VAV2: variants seen among roughly 807,000 people sequenced by gnomAD.
VAV2 encodes vav guanine nucleotide exchange factor 2.
A neutral mutation model predicts 132.5 loss-of-function variants in VAV2; 67 were observed. The observed-to-expected ratio is 0.51, with a 90% CI of 0.42 to 0.62. VAV2 has a LOEUF of 0.62. VAV2 is among the 20% of genes least tolerant of loss of function. The probability of loss-of-function intolerance (pLI) is 0.00; values close to 1 mark genes in which losing one functional copy is unlikely to be tolerated. For synonymous variants in VAV2, 492 were observed against 443.5 expected (o/e 1.11, Z -1.37); for missense variants, 938 against 1,153.6 (o/e 0.81, Z 2.71).
At chr9:133,851,177 GACA>G (rs1056299519) in intron 3 of VAV2, among the ~76,000 whole-genome samples, 1 of 152,232 alleles carries the variant, frequency 6.6e-6, no homozygotes, top group Non-Finnish European at 1.5e-5. Context: ...GCACTCAGGA[GACA>G]ACTTTGCAGC....
At chr9:133,982,993 C>T (rs1033014333) in intron 1 of VAV2, among the ~76,000 whole-genome samples, 4 of 152,284 alleles carry the variant, frequency 2.6e-5, no homozygotes, top group African/African-American at 9.6e-5. Context: ...TCCAGGCCTG[C>T]GCTGGAACAT....
intron 2 of VAV2, among the ~76,000 whole-genome samples, chr9:133,891,326 G>A (rs1467989431): frequency 1.3e-5 from 1 of 77,548 alleles, no homozygotes; most frequent in Non-Finnish European, 2.6e-5. Context: ...GGAGACAGAG[G>A]GGAGGAATAG....
rs1247158926 is a variant in VAV2 at position 133,833,592 on chromosome 9, C to T, written c.449+680G>A. 6.6e-6 allele frequency among the ~76,000 whole-genome samples: 1 copy of T among 152,150 alleles called. No individual in the cohort carries two copies. On this transcript the variant is annotated intron_variant, in intron 4 of 29. Transcript: ENST00000371850. This position sits in a 1 kb window ranked among gnomAD's most constrained non-coding sequence, Gnocchi z 5.6. ...GGTCTCAGCCCAGGTCCCTCACCTGCAGGTGAGGCCCCTTCCTCCTACCCT... is the reference window on the plus strand; with the variant it reads ...GGTCTCAGCCCAGGTCCCTCACCTGTAGGTGAGGCCCCTTCCTCCTACCCT...
intron 4 of VAV2, among the ~76,000 whole-genome samples, chr9:133,825,559 G>A (rs566089025): frequency 1.1e-4 from 17 of 152,260 alleles, no homozygotes; most frequent in African/African-American, 2.9e-4. Flanking sequence ...AGCTCAACTC[G>A]GGCTCCACAC....
rs1281964515 is a variant in VAV2, at chr9:133,898,189, G to A, written c.322-36757C>T. ...AAGCACAGAGAAGGAAACTGAGGCC[G>A]GGCGGGCACAGGTTGATCTAGTGTC... On this transcript the variant is annotated intron_variant, in intron 2 of 29. Coordinates refer to ENST00000371850, the MANE Select transcript of VAV2 (RefSeq NM_001134398.2). 9.2e-5 allele frequency among the ~76,000 whole-genome samples: 14 copies of A among 152,248 alleles called. No homozygotes were observed. The South Asian group carries it at 1.0e-3, about 11-fold the overall frequency.
At chr9:133,901,187 T>G (rs1839427023) in intron 2 of VAV2, among the ~76,000 whole-genome samples, 2 of 152,218 alleles carry the variant, frequency 1.3e-5, no homozygotes, top group African/African-American at 4.8e-5. Flanking sequence ...CATGGCCCAG[T>G]TTTAGGAACA....
At position 133,807,844 on chromosome 9, in the gene VAV2, G is replaced by T. The variant is rs992275766; in HGVS notation, c.667-518C>A. On this transcript the variant is annotated intron_variant, in intron 7 of 29. Coordinates refer to ENST00000371850, the MANE Select transcript of VAV2 (RefSeq NM_001134398.2). ...CGAGAGTCCTCCAGCTCCAGCCTCA[G>T]GCGGGATGTGAAGTGAACATGAGGA... Among the ~76,000 whole-genome samples, 12 of 152,366 alleles carry T rather than the reference G, an allele frequency of 7.9e-5. No homozygotes were observed. In the East Asian group the frequency reaches 2.3e-3, roughly 29 times the overall value.
intron 2 of VAV2, among the ~76,000 whole-genome samples, chr9:133,917,076 A>G (rs1840117950): frequency 6.6e-6 from 1 of 152,050 alleles, no homozygotes. Context: ...CTCTTTCTCT[A>G]CTGCAAATCT....
chr9:133,977,643 G>C (rs1283139636), intron 1 of VAV2, among the ~76,000 whole-genome samples: 4 of 152,226 alleles, frequency 2.6e-5, no homozygotes, highest in African/African-American at 4.8e-5. Context: ...TGGCACCTCT[G>C]GTTCCTGACA....
chr9:133,932,728 G>C (rs375465521), intron 2 of VAV2, among the ~76,000 whole-genome samples: 1 of 150,406 alleles, frequency 6.6e-6, no homozygotes, highest in African/African-American at 2.4e-5. Flanking sequence ...GCTCTCACCC[G>C]CCTGCCTCCT....
At chr9:133,821,237 C>G (rs1458533694) in intron 4 of VAV2, among the ~76,000 whole-genome samples, 6 of 152,262 alleles carry the variant, frequency 3.9e-5, no homozygotes, top group Admixed American at 3.9e-4. Context: ...ACTCCACACC[C>G]ATGCCACACC....
chr9:133,843,641 G>A (rs556943461), intron 3 of VAV2, among the ~76,000 whole-genome samples: 1 of 152,216 alleles, frequency 6.6e-6, no homozygotes, highest in South Asian at 2.1e-4. Context: ...ACCTGCCTCA[G>A]ATGTGGTATG....
rs73552565 is a variant in VAV2 at position 133,928,293 on chromosome 9, C to T, written c.321+10810G>A. 0.024 allele frequency among the ~76,000 whole-genome samples: 3,591 copies of T among 152,156 alleles called. 128 individuals carry two copies. The highest frequency in any genetic ancestry group is 0.08 in the African/African-American group (3,335 of 41,504). On this transcript the variant is annotated intron_variant, in intron 2 of 29. Coordinates refer to ENST00000371850, the MANE Select transcript of VAV2 (RefSeq NM_001134398.2). This position sits in a 1 kb window ranked among gnomAD's most constrained non-coding sequence, Gnocchi z 5.4. ...CATCTGAAAGTGGGTGGGTGAATAACGTCCTGAAATGACAACAACTAGCAG... is the reference window on the plus strand; with the variant it reads ...CATCTGAAAGTGGGTGGGTGAATAATGTCCTGAAATGACAACAACTAGCAG...
intron 1 of VAV2, among the ~76,000 whole-genome samples, chr9:133,956,659 G>A (rs1353799403): frequency 1.3e-5 from 2 of 152,192 alleles, no homozygotes; most frequent in African/African-American, 4.8e-5. Context: ...AATTCCAGGC[G>A]AACCAGCACC....
intron 5 of VAV2, 103 bp downstream of exon 5, chr9:133,812,011 G>A (rs898444396): frequency 1.7e-5 from 20 of 1,203,054 alleles, no homozygotes; most frequent in Admixed American, 5.4e-5. Context: ...GCTCCCCTTC[G>A]GTGGCTCAGA....
rs999099305 is a variant in VAV2 at position 133,824,311 on chromosome 9, A to G, written c.449+9961T>C. ...GCGAGAAAGGCTGGACTGCCTACAG[A>G]GGATCCCCACCGAGCCAGGTCCACC... On this transcript the variant is annotated intron_variant, in intron 4 of 29. Transcript: ENST00000371850. The surrounding 1 kb of genome is among the most constrained non-coding windows in gnomAD (Gnocchi z 5.2). Among the ~76,000 whole-genome samples the G allele has an allele frequency of 2.6e-5, 4 of 152,228 alleles. No individual in the cohort carries two copies. The East Asian group carries it at 7.7e-4, about 29-fold the overall frequency.
intron 2 of VAV2, among the ~76,000 whole-genome samples, chr9:133,887,489 C>A (rs551461181): frequency 6.6e-6 from 1 of 151,984 alleles, no homozygotes; most frequent in East Asian, 2.0e-4. Flanking sequence ...GGATCCCACC[C>A]TACCCCACCC....
intron 2 of VAV2, among the ~76,000 whole-genome samples, chr9:133,913,626 C>T (rs1054607548): frequency 5.9e-5 from 9 of 152,230 alleles, no homozygotes; most frequent in African/African-American, 1.7e-4. Context: ...GGTGCACAAT[C>T]GACACTCATC....
At chr9:133,792,524 GTTA>G (rs1410481889) in intron 12 of VAV2, among the ~76,000 whole-genome samples, 7 of 108,982 alleles carry the variant, frequency 6.4e-5, no homozygotes, top group East Asian at 6.1e-4. Context: ...TTGGGTGTGT[GTTA>G]TTGTGTGTGT....
Sources: allele counts gnomAD v4.1 joint callset (sites outside exome capture counted in the v4.1 genomes callset), GRCh38; gene constraint gnomAD v4.1.1; non-coding constraint Gnocchi (gnomAD v3.1); transcripts MANE v1.5; gene names NCBI Gene and HGNC (gene_info 2026-07-23, HGNC 2026-07-21).